Variants in MYH15 observed in about 807,000 individuals in gnomAD.
MYH15 encodes the protein myosin heavy chain 15.
Under a neutral mutation model 240.5 loss-of-function variants are expected in MYH15, and 227 were observed. The observed-to-expected ratio is 0.94, with a 90% CI of 0.85 to 1.05. MYH15 has a LOEUF of 1.05. Ranked by LOEUF, MYH15 falls within the 50% of genes least tolerant of loss-of-function variation. MYH15 has a pLI of 0.00. For synonymous variants in MYH15, 785 were observed against 796.7 expected, an observed-to-expected ratio of 0.99 and a Z score of 0.25; for missense variants, 2,217 against 2,247.5, an observed-to-expected ratio of 0.99 and a Z score of 0.27.
intron 25 of MYH15, among the ~76,000 whole-genome samples, chr3:108,432,877 C>T (rs1013325088): frequency 2.0e-5 from 3 of 152,158 alleles, no homozygotes. Context: ...AGGAGCGGGG[C>T]CCTCATGGAG....
At chr3:108,419,600 C>T (rs1319020549) in intron 28 of MYH15, among the ~76,000 whole-genome samples, 1 of 152,214 alleles carries the variant, frequency 6.6e-6, no homozygotes, top group Non-Finnish European at 1.5e-5. Flanking sequence ...TAGCACAGAT[C>T]AAACTGGGGG....
chr3:108,414,142 G>T, intron 30 of MYH15, 90 bp downstream of exon 30: 1 of 1,361,688 alleles, frequency 7.3e-7, no homozygotes, highest in Non-Finnish European at 1.0e-6. Flanking sequence ...TTTGTTAAGT[G>T]CATACCATGA....
chr3:108,407,794 G>A (rs540309051), intron 32 of MYH15, among the ~76,000 whole-genome samples: 61 of 152,292 alleles, frequency 4.0e-4, no homozygotes, highest in African/African-American at 1.4e-3. Context: ...AATATTTACT[G>A]AGCCTCTACT....
rs750088507 is a variant in MYH15, at chr3:108,501,861, G to A, written c.196-6C>T. On this transcript the variant is annotated splice_region_variant and splice_polypyrimidine_tract_variant and intron_variant, in intron 2 of 40. Coordinates refer to ENST00000693548, the MANE Select transcript of MYH15 (RefSeq NM_014981.3). The stretch of plus-strand genomic sequence containing the variant: ...TCCTCCTTTATGCTCAGACTCTGCA[G>A]AGAGAAGAAAAATATATGATATATT... 1 of 1,613,054 alleles carries A rather than the reference G, an allele frequency of 6.2e-7. No homozygotes were observed. The highest frequency in any genetic ancestry group is 1.7e-5 in the Admixed American group (1 of 60,018).
intron 11 of MYH15, among the ~76,000 whole-genome samples, chr3:108,481,314 GA>G (rs2107593595): frequency 6.6e-6 from 1 of 152,290 alleles, no homozygotes; most frequent in Admixed American, 6.5e-5. Context: ...TTCACTTAAT[GA>G]ATAATTAGCC....
the MYH15 span, among the ~76,000 whole-genome samples, chr3:108,542,169 G>C: frequency 1.1e-4 from 16 of 151,996 alleles, no homozygotes; most frequent in African/African-American, 3.6e-4. Context: ...AGATAGTTCC[G>C]TGTGTCCATT....
upstream of MYH15, chr3:108,529,384 T>C: frequency 1.3e-6 from 1 of 777,946 alleles, no homozygotes; most frequent in South Asian, 1.7e-5. Flanking sequence ...GTTGACAGCA[T>C]GGGAAATCTG....
intron 33 of MYH15, among the ~76,000 whole-genome samples, chr3:108,401,138 T>C (rs1056521368): frequency 6.6e-6 from 1 of 152,152 alleles, no homozygotes; most frequent in African/African-American, 2.4e-5. Context: ...AATATGGACT[T>C]TTAGGAACTG....
At chr3:108,427,294 A>C (rs2082731578) in intron 27 of MYH15, among the ~76,000 whole-genome samples, 1 of 152,222 alleles carries the variant, frequency 6.6e-6, no homozygotes, top group Non-Finnish European at 1.5e-5. Flanking sequence ...TTCATGTTGA[A>C]AGAATGGCCA....
intron 12 of MYH15, 138 bp downstream of exon 12, chr3:108,476,259 C>A (rs1324535711): frequency 3.7e-6 from 2 of 537,244 alleles, no homozygotes; most frequent in African/African-American, 3.8e-5. Flanking sequence ...GAATAGTCAT[C>A]CCAAGAGCTC....
At chr3:108,397,836 T>C (rs911617041) in intron 35 of MYH15, among the ~76,000 whole-genome samples, 3 of 152,140 alleles carry the variant, frequency 2.0e-5, no homozygotes, top group Non-Finnish European at 4.4e-5. Context: ...GGGAAGCACA[T>C]GGCTTAGAGA....
At chr3:108,449,829 T>C (rs2082958333) in intron 21 of MYH15, among the ~76,000 whole-genome samples, 1 of 151,856 alleles carries the variant, frequency 6.6e-6, no homozygotes, top group African/African-American at 2.4e-5. Context: ...AAACTATACA[T>C]GAAATAAAGG....
chr3:108,514,503 G>T (rs572090849), upstream of MYH15, among the ~76,000 whole-genome samples: 16 of 152,228 alleles, frequency 1.1e-4, no homozygotes, highest in Non-Finnish European at 1.6e-4. Context: ...TTAGGCCCAG[G>T]GGTACAATAA....
Position 108,406,676 on chromosome 3 carries a change from C to T in MYH15, c.4621-1223G>A, listed in dbSNP as rs191121167. On this transcript the variant is annotated intron_variant, in intron 32 of 40. Transcript: ENST00000693548. ...AAGGCTCACCCAGGAAAATAAATAA[C>T]GCAATGTTACAAATACATGTCCAAG... Among the ~76,000 whole-genome samples, 141 of 152,214 alleles carry T rather than the reference C, an allele frequency of 9.3e-4. 2 individuals carry two copies. The highest frequency in any genetic ancestry group is 1.6e-3 in the Non-Finnish European group (112 of 68,004).
chr3:108,391,978 C>G (rs370849362), intron 36 of MYH15, 48 bp from the exon 37 acceptor site: 78 of 1,590,006 alleles, frequency 4.9e-5, no homozygotes, highest in Non-Finnish European at 6.4e-5. Flanking sequence ...GTCAATTGAT[C>G]TTAACATTTT....
At chr3:108,389,679 T>C (rs1166549164) in intron 37 of MYH15, among the ~76,000 whole-genome samples, 1 of 152,170 alleles carries the variant, frequency 6.6e-6, no homozygotes, top group Admixed American at 6.5e-5. Flanking sequence ...TACGTTCTAA[T>C]GAGGGGAAGC....
At chr3:108,417,794 TATACAC>T (rs745932526) in intron 28 of MYH15, among the ~76,000 whole-genome samples, 1,416 of 93,246 alleles carry the variant, frequency 0.015, 6 homozygotes, top group African/African-American at 0.022. Context: ...TGTATATATA[TATACAC>T]ACACACACAC....
chr3:108,406,055 AT>A (rs1328515840), intron 32 of MYH15, among the ~76,000 whole-genome samples: 1 of 152,244 alleles, frequency 6.6e-6, no homozygotes, highest in East Asian at 1.9e-4. Flanking sequence ...CAGGCAGAAG[AT>A]TCCTTGCCCC....
intron 38 of MYH15, 117 bp downstream of exon 38, chr3:108,388,853 A>AGG: frequency 1.3e-6 from 1 of 772,946 alleles, no homozygotes. Flanking sequence ...CTGCTGAAGG[A>AGG]GAACAAAGAT....
Sources: allele counts gnomAD v4.1 joint callset (sites outside exome capture counted in the v4.1 genomes callset), GRCh38; gene constraint gnomAD v4.1.1; transcripts MANE v1.5; gene names NCBI Gene and HGNC (gene_info 2026-07-23, HGNC 2026-07-21).